GALNS: variants seen among roughly 807,000 people sequenced by gnomAD.
The protein encoded by GALNS is N-acetylgalactosamine-6-sulfatase.
A neutral mutation model predicts 65.9 loss-of-function variants in GALNS; 65 were observed. That is an observed-to-expected ratio of 0.99 (90% confidence interval 0.81 to 1.21). The LOEUF is 1.21. GALNS is among the 50% of genes most tolerant of loss of function. The probability of loss-of-function intolerance (pLI) is 0.00; values close to 1 mark genes in which losing one functional copy is unlikely to be tolerated. For missense variants in GALNS, 776 were observed against 700.7 expected (o/e 1.11, Z -1.21); for synonymous variants, 346 against 288.9 (o/e 1.20, Z -2.00).
rs1909381321 is a variant in GALNS, at chr16:88,814,082, T to C, written c.*357A>G. On this transcript the variant is annotated 3_prime_UTR_variant, in exon 14 of 14. Transcript: ENST00000268695. ...ATCCCCAGCCACCTCAGGCACCTGTTGTCAGGACCTCCTGAGGCTGTCACA... is the reference window on the plus strand; with the variant it reads ...ATCCCCAGCCACCTCAGGCACCTGTCGTCAGGACCTCCTGAGGCTGTCACA... The C allele has an allele frequency of 7.6e-6, 3 of 396,136 alleles. No homozygotes were observed. Among genetic ancestry groups the C allele is most frequent in the Non-Finnish European group, 1.4e-5 (3 of 208,214 alleles). The allele number at this position is 396,136 out of a possible 1,614,324, so 24.5% of individuals were successfully genotyped here. A position where few individuals can be genotyped will look rare whatever the true frequency, so the allele number is the denominator to read the frequency against.
At chr16:88,815,638 T>A in intron 13 of GALNS, 1 of 985,470 alleles carries the variant, frequency 1.0e-6, no homozygotes, top group African/African-American at 1.7e-5. Flanking sequence ...CTGTGCCACG[T>A]CAGACGCCGC....
At chr16:88,852,823 T>C (rs1597599763) in intron 1 of GALNS, among the ~76,000 whole-genome samples, 1 of 152,190 alleles carries the variant, frequency 6.6e-6, no homozygotes, top group Non-Finnish European at 1.5e-5. Flanking sequence ...AGTGTGGTGA[T>C]GGGCGGCTAT....
At chr16:88,842,013 G>C in intron 2 of GALNS, 42 bp from the exon 3 acceptor site, 1 of 1,561,696 alleles carries the variant, frequency 6.4e-7, no homozygotes, top group Non-Finnish European at 8.8e-7. Context: ...TAAGAAGGGT[G>C]TGGCTCAGAC....
intron 4 of GALNS, among the ~76,000 whole-genome samples, chr16:88,839,220 C>T (rs562309592): frequency 1.3e-5 from 2 of 149,454 alleles, no homozygotes; most frequent in Non-Finnish European, 3.0e-5. Context: ...GGTCACCGCC[C>T]GGCCACAGGG....
At chr16:88,845,526 A>G (rs1429285186) in intron 1 of GALNS, 1 of 152,158 alleles carries the variant, frequency 6.6e-6, no homozygotes, top group African/African-American at 2.4e-5. Flanking sequence ...AGGTAGGCGG[A>G]TCACAAGGTT....
chr16:88,842,105 C>T (rs1967003830), intron 2 of GALNS, 134 bp from the exon 3 acceptor site: 1 of 784,428 alleles, frequency 1.3e-6, no homozygotes, highest in South Asian at 1.5e-5. Flanking sequence ...GGCTGCCACG[C>T]CTGTCAATCC....
In GALNS at chr16:88,814,157, T is replaced by C. The variant is rs1260159234; in HGVS notation, c.*282A>G. ...TAAACTGAGACTGGTCTCAGATATT[T>C]GGGGTTCACAAAGGCGTGAGACGGC... On this transcript the variant is annotated 3_prime_UTR_variant, in exon 14 of 14. Transcript: ENST00000268695. 1.1e-5 allele frequency: 6 copies of C among 535,098 alleles called. No individual in the cohort carries two copies. Among genetic ancestry groups the C allele is most frequent in the African/African-American group, 9.5e-5 (5 of 52,510 alleles). The allele number at this position is 535,098 out of a possible 1,614,324, so 33.1% of individuals were successfully genotyped here.
At chr16:88,825,051 CGGCCGGGGCTGGAGCTCCTGGGT>C (rs1910671080) in intron 10 of GALNS, among the ~76,000 whole-genome samples, 182 bp from the exon 11 acceptor site, 1 of 117,260 alleles carries the variant, frequency 8.5e-6, no homozygotes, top group African/African-American at 4.3e-5. Flanking sequence ...GGTGCCTGGG[CGGCCGGGGCTGGAGCTCCTGGGT>C]GGCCAGGGCT....
intron 1 of GALNS, chr16:88,855,395 G>T: frequency 4.3e-6 from 3 of 702,764 alleles, no homozygotes; most frequent in Non-Finnish European, 7.8e-6. Flanking sequence ...CTTCAAAAGT[G>T]AAAGGATGAA....
intron 12 of GALNS, 42 bp from the exon 13 acceptor site, chr16:88,818,166 C>A: frequency 6.7e-7 from 1 of 1,499,006 alleles, no homozygotes; most frequent in African/African-American, 1.4e-5. Flanking sequence ...GGGCTGACAG[C>A]GAAGGACGGA....
intron 11 of GALNS, among the ~76,000 whole-genome samples, chr16:88,823,427 C>T (rs115857874): frequency 4.6e-5 from 7 of 152,230 alleles, no homozygotes; most frequent in Admixed American, 6.5e-5. Context: ...ATTCCCAGAG[C>T]GGGTGCTGCA....
chr16:88,836,586 G>A (rs960199681), intron 5 of GALNS, among the ~76,000 whole-genome samples: 6 of 152,082 alleles, frequency 3.9e-5, no homozygotes, highest in East Asian at 1.9e-4. Context: ...CCCAGGAGGC[G>A]GAGGTTGCAG....
chr16:88,830,719 G>A (rs1365634254), intron 9 of GALNS, among the ~76,000 whole-genome samples: 1 of 152,198 alleles, frequency 6.6e-6, no homozygotes, highest in Non-Finnish European at 1.5e-5. Flanking sequence ...CAGCATGAAG[G>A]TGGTCACACT....
At chr16:88,853,925 G>T (rs925784778) in intron 1 of GALNS, among the ~76,000 whole-genome samples, 6 of 152,198 alleles carry the variant, frequency 3.9e-5, no homozygotes, top group Admixed American at 2.0e-4. Context: ...TGGGGGCAAT[G>T]GTTCTCTCCC....
chr16:88,821,277 G>A (rs1007304801), intron 12 of GALNS, among the ~76,000 whole-genome samples: 3 of 152,166 alleles, frequency 2.0e-5, no homozygotes, highest in Non-Finnish European at 4.4e-5. Context: ...GGTGAGCCGA[G>A]GCTGGTGGCG....
At chr16:88,820,720 C>T (rs1022268789) in intron 12 of GALNS, among the ~76,000 whole-genome samples, 4 of 152,212 alleles carry the variant, frequency 2.6e-5, no homozygotes, top group Non-Finnish European at 4.4e-5. Context: ...CTCCAGCAAA[C>T]GCAACAGGCG....
chr16:88,824,973 G>T (rs1348374563), intron 10 of GALNS, 104 bp from the exon 11 acceptor site: 1 of 865,854 alleles, frequency 1.2e-6, no homozygotes, highest in Non-Finnish European at 1.9e-6. Flanking sequence ...GCCTCCACGT[G>T]AGGTCTTGGT....
At chr16:88,836,431 G>C (rs902009700) in intron 5 of GALNS, among the ~76,000 whole-genome samples, 164 bp from the exon 6 acceptor site, 1 of 152,172 alleles carries the variant, frequency 6.6e-6, no homozygotes, top group African/African-American at 2.4e-5. Flanking sequence ...TGAGGAAGGT[G>C]GATCATGAGG....
intron 9 of GALNS, among the ~76,000 whole-genome samples, chr16:88,830,677 G>A (rs907023734): frequency 6.6e-6 from 1 of 152,202 alleles, no homozygotes; most frequent in Non-Finnish European, 1.5e-5. Flanking sequence ...TCAACCGAGG[G>A]GCAGCTTCCT....
Sources: gnomAD v4.1 joint callset for allele counts (sites outside exome capture counted in the v4.1 genomes callset) on GRCh38, gnomAD v4.1.1 for gene constraint, MANE v1.5 for transcripts, NCBI Gene and HGNC (gene_info 2026-07-23, HGNC 2026-07-21) for gene names.